PPP6R2: variants seen among roughly 807,000 people sequenced by gnomAD.
PPP6R2 encodes protein phosphatase 6 regulatory subunit 2.
Under a neutral mutation model 100.2 loss-of-function variants are expected in PPP6R2, and 62 were observed. The ratio of observed to expected loss-of-function variants is 0.62; its 90% CI spans 0.50 to 0.76. The LOEUF (loss-of-function observed/expected upper bound fraction) is 0.76. PPP6R2 is among the 30% of genes least tolerant of loss of function. PPP6R2 has a pLI of 0.00. For synonymous variants in PPP6R2, 525 were observed against 514.7 expected (o/e 1.02, Z -0.27); for missense variants, 1,142 against 1,276.3 (o/e 0.89, Z 1.60).
At chr22:50,393,868 G>A (rs776978566) in intron 2 of PPP6R2, 25 bp from the exon 3 acceptor site, 11 of 1,612,858 alleles carry the variant, frequency 6.8e-6, no homozygotes, top group East Asian at 4.5e-5. Flanking sequence ...GGTGAGAGAC[G>A]TGACCCCTTT....
At chr22:50,369,470 G>A (rs990491779) in intron 1 of PPP6R2, among the ~76,000 whole-genome samples, 1 of 151,898 alleles carries the variant, frequency 6.6e-6, no homozygotes, top group Non-Finnish European at 1.5e-5. Flanking sequence ...TAGAGATGGG[G>A]TCTCACTCTG....
intron 2 of PPP6R2, chr22:50,393,324 T>G (rs947366674): frequency 1.1e-6 from 1 of 919,062 alleles, no homozygotes; most frequent in Non-Finnish European, 1.3e-6. Context: ...GGCAGAGGAG[T>G]GAGCGCAGGG....
chr22:50,410,538 G>A (rs796668680), intron 4 of PPP6R2, among the ~76,000 whole-genome samples: 20 of 139,050 alleles, frequency 1.4e-4, no homozygotes, highest in African/African-American at 4.1e-4. Context: ...GTGCAGTGGC[G>A]CAATCTTGGC....
chr22:50,361,202 G>T (rs990425945), intron 1 of PPP6R2, among the ~76,000 whole-genome samples: 1 of 152,092 alleles, frequency 6.6e-6, no homozygotes, highest in Non-Finnish European at 1.5e-5. Flanking sequence ...ATTCCTTTTG[G>T]ATTTCCTTTG....
At chr22:50,407,887 TACATTTATTTATTTTTGAGACAGGGTCTC>T (rs957711208) in intron 4 of PPP6R2, among the ~76,000 whole-genome samples, 3 of 151,994 alleles carry the variant, frequency 2.0e-5, no homozygotes, top group Non-Finnish European at 4.4e-5. Context: ...AGTATGTATG[TACATTTATTTATTTTTGAGACAGGGTCTC>T]ACTACGCCCA....
intron 2 of PPP6R2, among the ~76,000 whole-genome samples, chr22:50,384,961 T>TG (rs900203490): frequency 1.3e-5 from 2 of 152,160 alleles, no homozygotes; most frequent in Non-Finnish European, 2.9e-5. Context: ...TCTAGCAGGC[T>TG]GGTCTCAAAC....
At chr22:50,369,843 C>T (rs2049628725) in intron 1 of PPP6R2, among the ~76,000 whole-genome samples, 2 of 151,614 alleles carry the variant, frequency 1.3e-5, no homozygotes, top group African/African-American at 4.9e-5. Context: ...TCAAGCAGTC[C>T]TCCCACTCAG....
intron 2 of PPP6R2, among the ~76,000 whole-genome samples, chr22:50,373,408 A>AT (rs1569322820): frequency 2.0e-5 from 3 of 150,724 alleles, no homozygotes; most frequent in South Asian, 2.1e-4. Flanking sequence ...CGCCCGGCTA[A>AT]TTTTTTTTGT....
At chr22:50,432,230 C>G in intron 11 of PPP6R2, 35 bp from the exon 12 acceptor site, 3 of 1,539,320 alleles carry the variant, frequency 1.9e-6, no homozygotes, top group South Asian at 1.2e-5. Context: ...GCCTTCAGAC[C>G]CTGACTCACG....
intron 3 of PPP6R2, among the ~76,000 whole-genome samples, chr22:50,397,013 G>T (rs2057033699): frequency 1.3e-5 from 2 of 152,202 alleles, no homozygotes; most frequent in South Asian, 4.1e-4. Flanking sequence ...ATGGGGCAAG[G>T]AGAGTGGGGA....
upstream of PPP6R2, among the ~76,000 whole-genome samples, chr22:50,339,226 G>GGT (rs2042340203): frequency 1.4e-5 from 2 of 141,982 alleles, no homozygotes. Context: ...TAGGGTGTGT[G>GGT]GTGTGTTTAC....
intron 20 of PPP6R2, 29 bp from the exon 21 acceptor site, chr22:50,439,932 A>G: frequency 6.2e-7 from 1 of 1,611,854 alleles, no homozygotes; most frequent in Non-Finnish European, 8.5e-7. Flanking sequence ...GTCCCCCAGG[A>G]CTGATCCTGT....
intron 2 of PPP6R2, among the ~76,000 whole-genome samples, chr22:50,388,135 C>A (rs1569364027): frequency 6.6e-6 from 1 of 150,988 alleles, no homozygotes; most frequent in Non-Finnish European, 1.5e-5. Flanking sequence ...CCAGCCTGGG[C>A]AACATGGCAA....
At chr22:50,358,095 A>C in intron 1 of PPP6R2, among the ~76,000 whole-genome samples, 1 of 151,788 alleles carries the variant, frequency 6.6e-6, no homozygotes. Context: ...CATAGGCACA[A>C]GCCACCACAC....
At chr22:50,369,685 T>C (rs887187241) in intron 1 of PPP6R2, among the ~76,000 whole-genome samples, 2 of 152,140 alleles carry the variant, frequency 1.3e-5, no homozygotes, top group African/African-American at 4.8e-5. Context: ...TTTTGTGTTT[T>C]TAGTAGAGGC....
intron 1 of PPP6R2, among the ~76,000 whole-genome samples, chr22:50,351,959 A>C (rs1194748489): frequency 6.6e-6 from 1 of 152,102 alleles, no homozygotes; most frequent in African/African-American, 2.4e-5. Context: ...ATGCCCAGCT[A>C]ATTTTTTTGT....
rs1259998387 is a variant in PPP6R2, at chr22:50,443,864, A to G, written c.2580-2A>G. 6.4e-7 allele frequency: 1 copy of G among 1,570,754 alleles called. No homozygotes were observed. Among genetic ancestry groups the G allele is most frequent in the East Asian group, 2.3e-5 (1 of 42,624 alleles). On this transcript the variant is annotated splice_acceptor_variant, in intron 22 of 23. Coordinates refer to ENST00000612753, the MANE Select transcript of PPP6R2 (RefSeq NM_001242898.2). LOFTEE classifies it high-confidence loss of function. ...TAACCGGAGTCCATGTTTGCCACACAGGGTCGGGTGTGCTGACAGCCGGCT... is the reference window on the plus strand; with the variant it reads ...TAACCGGAGTCCATGTTTGCCACACGGGGTCGGGTGTGCTGACAGCCGGCT...
chr22:50,395,951 T>G (rs895117208), intron 3 of PPP6R2, among the ~76,000 whole-genome samples: 6 of 151,584 alleles, frequency 4.0e-5, no homozygotes, highest in Non-Finnish European at 8.8e-5. Context: ...TCCCAGCACT[T>G]TGGGAGGCCA....
intron 3 of PPP6R2, among the ~76,000 whole-genome samples, chr22:50,400,858 G>A (rs903316015): frequency 7.9e-5 from 12 of 152,174 alleles, no homozygotes; most frequent in Non-Finnish European, 1.8e-4. Context: ...GACATTAGCT[G>A]AGGGAAATTT....
Sources: gnomAD v4.1 joint callset for allele counts (sites outside exome capture counted in the v4.1 genomes callset) on GRCh38, gnomAD v4.1.1 for gene constraint, MANE v1.5 for transcripts, NCBI Gene and HGNC (gene_info 2026-07-23, HGNC 2026-07-21) for gene names.